LSAMP: variants seen among roughly 807,000 people sequenced by gnomAD.
LSAMP encodes limbic system-associated membrane protein.
A neutral mutation model predicts 38.6 loss-of-function variants in LSAMP; 7 were observed. The ratio of observed to expected loss-of-function variants is 0.18; its 90% confidence interval spans 0.10 to 0.34. The LOEUF is 0.34. Ranked by LOEUF, LSAMP falls within the 10% of genes least tolerant of loss-of-function variation. LSAMP has a pLI of 1.00. For synonymous variants in LSAMP, 154 were observed against 166.8 expected, an observed-to-expected ratio of 0.92 and a Z score of 0.59; for missense variants, 313 against 420.0, an observed-to-expected ratio of 0.75 and a Z score of 2.23.
At chr3:115,880,670 G>A (rs946847824) in intron 3 of LSAMP, among the ~76,000 whole-genome samples, 3 of 152,086 alleles carry the variant, frequency 2.0e-5, no homozygotes, top group African/African-American at 7.2e-5. Context: ...TTTTTAATAA[G>A]TTTGAAAATC....
chr3:116,439,699 T>C (rs1405585502), intron 1 of LSAMP, among the ~76,000 whole-genome samples: 2 of 152,248 alleles, frequency 1.3e-5, no homozygotes, highest in Admixed American at 6.5e-5. Flanking sequence ...GTAGGGTAAC[T>C]AAAATAGATA....
intron 2 of LSAMP, among the ~76,000 whole-genome samples, chr3:116,070,106 A>G (rs1707565631): frequency 6.6e-6 from 1 of 151,992 alleles, no homozygotes; most frequent in East Asian, 1.9e-4. Context: ...AAGGAATTGC[A>G]AAAAAAGGGA....
At chr3:115,886,677 G>C (rs150554208) in intron 3 of LSAMP, among the ~76,000 whole-genome samples, 46 of 151,980 alleles carry the variant, frequency 3.0e-4, no homozygotes, top group Middle Eastern at 3.4e-3. Flanking sequence ...TTGAGTGTTT[G>C]TCAGGAACAA....
chr3:116,358,552 A>G (rs2107775366), intron 1 of LSAMP, among the ~76,000 whole-genome samples: 4 of 152,312 alleles, frequency 2.6e-5, no homozygotes, highest in Middle Eastern at 6.8e-3. Flanking sequence ...TACATCTGAT[A>G]GCAATTTTTT....
chr3:115,930,334 C>T (rs923557907), intron 3 of LSAMP, among the ~76,000 whole-genome samples: 3 of 152,078 alleles, frequency 2.0e-5, no homozygotes, highest in African/African-American at 7.2e-5. Context: ...ATGGGCCAGG[C>T]ACAGGGTTAG....
intron 1 of LSAMP, among the ~76,000 whole-genome samples, chr3:116,293,653 T>C (rs1291780716): frequency 1.3e-5 from 2 of 152,130 alleles, no homozygotes; most frequent in Non-Finnish European, 2.9e-5. Flanking sequence ...TATTATAACA[T>C]GAAATCAATA....
chr3:116,402,298 C>T (rs1359327017), intron 1 of LSAMP, among the ~76,000 whole-genome samples: 1 of 152,136 alleles, frequency 6.6e-6, no homozygotes, highest in Non-Finnish European at 1.5e-5. Context: ...TGAATAATCA[C>T]TTTTCATTTA....
At chr3:116,089,352 T>C (rs913573820) in intron 1 of LSAMP, among the ~76,000 whole-genome samples, 1 of 151,376 alleles carries the variant, frequency 6.6e-6, no homozygotes, top group African/African-American at 2.5e-5. Context: ...ACACATATAC[T>C]TTTTTTTGTT....
At chr3:116,055,639 T>C (rs1451139614) in intron 2 of LSAMP, among the ~76,000 whole-genome samples, 1 of 152,172 alleles carries the variant, frequency 6.6e-6, no homozygotes, top group African/African-American at 2.4e-5. Flanking sequence ...TTGGAACTCA[T>C]TGCAAACCAT....
In LSAMP at chr3:115,879,929, A is replaced by T. The variant is rs1936279660; in HGVS notation, c.515-27312T>A. Among the ~76,000 whole-genome samples the T allele has an allele frequency of 2.6e-5, 4 of 152,196 alleles. No homozygotes were observed. In the South Asian group the frequency reaches 8.3e-4, roughly 31 times the overall value. On this transcript the variant is annotated intron_variant, in intron 3 of 6. Transcript: ENST00000490035. ...GTTTAAAATGTTAGCATAAAACATA[A>T]GCTTGGTGTTTGTGAATCTGAATTC...
chr3:116,172,352 CTT>C (rs200181227), intron 1 of LSAMP, among the ~76,000 whole-genome samples: 81 of 142,548 alleles, frequency 5.7e-4, no homozygotes, highest in Admixed American at 5.7e-4. Context: ...TAAGGCTTTC[CTT>C]TTTTTTTTTT....
intron 2 of LSAMP, among the ~76,000 whole-genome samples, chr3:116,082,234 TTTACTA>T: frequency 6.6e-6 from 1 of 152,300 alleles, no homozygotes; most frequent in Middle Eastern, 3.4e-3. Flanking sequence ...TTTTATATGA[TTTACTA>T]TTATAAGGCT....
intron 1 of LSAMP, among the ~76,000 whole-genome samples, chr3:116,319,285 C>G (rs2107727547): frequency 6.6e-6 from 1 of 152,276 alleles, no homozygotes; most frequent in Admixed American, 6.5e-5. Flanking sequence ...TATACATATT[C>G]CCAGTTGAAA....
At chr3:116,242,197 C>T (rs1175856485) in intron 1 of LSAMP, among the ~76,000 whole-genome samples, 2 of 152,076 alleles carry the variant, frequency 1.3e-5, no homozygotes, top group African/African-American at 2.4e-5. Context: ...AAACCCATCA[C>T]AGAAAGAAGG....
chr3:115,822,631 A>G (rs1934283220), intron 6 of LSAMP, among the ~76,000 whole-genome samples: 1 of 152,156 alleles, frequency 6.6e-6, no homozygotes, highest in Non-Finnish European at 1.5e-5. Flanking sequence ...AAGAGCTGGG[A>G]TTACAGGTGT....
intron 1 of LSAMP, among the ~76,000 whole-genome samples, chr3:116,229,173 A>G (rs2046373234): frequency 6.6e-6 from 1 of 152,130 alleles, no homozygotes; most frequent in Non-Finnish European, 1.5e-5. Context: ...GTGTTATTCT[A>G]TGAAATTCAG....
chr3:116,398,357 T>C (rs1343763516), intron 1 of LSAMP, among the ~76,000 whole-genome samples: 3 of 152,164 alleles, frequency 2.0e-5, no homozygotes, highest in Non-Finnish European at 4.4e-5. Context: ...AAGATGATCA[T>C]GTGTAATCAG....
At chr3:116,401,689 G>A (rs1341487174) in intron 1 of LSAMP, among the ~76,000 whole-genome samples, 1 of 152,072 alleles carries the variant, frequency 6.6e-6, no homozygotes, top group Non-Finnish European at 1.5e-5. Flanking sequence ...CACAGAATCG[G>A]ATTTATCTTC....
At chr3:115,846,023 A>G (rs958848841) in intron 4 of LSAMP, among the ~76,000 whole-genome samples, 4 of 152,218 alleles carry the variant, frequency 2.6e-5, no homozygotes, top group African/African-American at 9.6e-5. Flanking sequence ...ACCATGGTGC[A>G]AGTTTATTTT....
Sources: gnomAD v4.1 joint callset for allele counts (sites outside exome capture counted in the v4.1 genomes callset) on GRCh38, gnomAD v4.1.1 for gene constraint, MANE v1.5 for transcripts, NCBI Gene and HGNC (gene_info 2026-07-23, HGNC 2026-07-21) for gene names.